Variants in SNAP23 observed in about 807,000 individuals in gnomAD.
SNAP23 encodes the protein synaptosomal-associated protein 23.
A neutral mutation model predicts 29.0 loss-of-function variants in SNAP23; 11 were observed. The observed-to-expected ratio is 0.38, with a 90% CI of 0.24 to 0.63. The LOEUF (loss-of-function observed/expected upper bound fraction) is 0.63. Ranked by LOEUF, SNAP23 falls within the 20% of genes least tolerant of loss-of-function variation. The pLI is 0.58. For synonymous variants in SNAP23, 60 were observed against 82.9 expected (o/e 0.72, Z 1.50); for missense variants, 220 against 253.9 (o/e 0.87, Z 0.91).
intron 2 of SNAP23, 133 bp from the exon 3 acceptor site, chr15:42,512,821 AT>A (rs762800097): frequency 1.5e-6 from 1 of 652,534 alleles, no homozygotes; most frequent in Non-Finnish European, 2.7e-6. Context: ...AAGTGCTGGG[AT>A]TATAGGCATG....
intron 2 of SNAP23, among the ~76,000 whole-genome samples, chr15:42,512,565 G>T (rs985146682): frequency 6.6e-6 from 1 of 151,972 alleles, no homozygotes; most frequent in Non-Finnish European, 1.5e-5. Flanking sequence ...TTTTAGTAGA[G>T]ATGGGGTTTC....
intron 5 of SNAP23, among the ~76,000 whole-genome samples, chr15:42,519,055 C>CTT (rs34865842): frequency 9.2e-5 from 12 of 130,734 alleles, no homozygotes; most frequent in African/African-American, 1.2e-4. Context: ...GTTTCTTCTT[C>CTT]TTTTTTTTTT....
chr15:42,504,815 A>G (rs903822473), intron 1 of SNAP23, among the ~76,000 whole-genome samples: 12 of 152,338 alleles, frequency 7.9e-5, no homozygotes, highest in African/African-American at 2.9e-4. Flanking sequence ...CTCACCCACT[A>G]TGCTATCCTG....
chr15:42,509,497 T>C (rs1286625462), intron 1 of SNAP23, among the ~76,000 whole-genome samples: 1 of 150,886 alleles, frequency 6.6e-6, no homozygotes, highest in Admixed American at 6.6e-5. Flanking sequence ...TGGAGTGCAG[T>C]GGCACAGTCT....
chr15:42,524,176 T>G (rs1217644086), intron 5 of SNAP23, among the ~76,000 whole-genome samples: 1 of 152,140 alleles, frequency 6.6e-6, no homozygotes, highest in East Asian at 1.9e-4. Flanking sequence ...AATTATTTAG[T>G]GCTCCAATAT....
chr15:42,518,610 G>A (rs893037449), intron 5 of SNAP23, among the ~76,000 whole-genome samples: 14 of 151,808 alleles, frequency 9.2e-5, no homozygotes, highest in African/African-American at 2.9e-4. Flanking sequence ...GTAGAGACAA[G>A]GTTTCACCAT....
chr15:42,523,959 G>A lies in SNAP23; in HGVS notation c.267-4303G>A, dbSNP rs531877533. 5.0e-4 allele frequency among the ~76,000 whole-genome samples: 76 copies of A among 152,224 alleles called. No homozygotes were observed. The South Asian group carries it at 5.2e-3, about 10-fold the overall frequency. Reference sequence around the variant, plus strand: ...AGCCTCCCAAGTAGCTGGGATTACAGGCACCTGCCACTGCGCCTGGCTAAT... The same window carrying A: ...AGCCTCCCAAGTAGCTGGGATTACAAGCACCTGCCACTGCGCCTGGCTAAT... On this transcript the variant is annotated intron_variant, in intron 5 of 7. Coordinates refer to ENST00000249647, the MANE Select transcript of SNAP23 (RefSeq NM_003825.4).
intron 1 of SNAP23, among the ~76,000 whole-genome samples, chr15:42,510,949 A>G (rs1480066135): frequency 1.3e-5 from 2 of 152,180 alleles, no homozygotes; most frequent in Non-Finnish European, 1.5e-5. Context: ...AATCTGTAAT[A>G]AGAACCAGAG....
At chr15:42,521,430 A>T (rs2057448576) in intron 5 of SNAP23, 1 of 978,368 alleles carries the variant, frequency 1.0e-6, no homozygotes, top group African/African-American at 1.8e-5. Context: ...TAGTTTTCTT[A>T]TTTTTCTTTT....
Position 42,519,560 on chromosome 15 carries a change from G to A in SNAP23, c.266+4206G>A, listed in dbSNP as rs569908317. On this transcript the variant is annotated intron_variant, in intron 5 of 7. Coordinates refer to ENST00000249647, the MANE Select transcript of SNAP23 (RefSeq NM_003825.4). ...AACTAATGTATTTTTAGTAGAGACG[G>A]GGTTTTGCCATGTTGGCCAGGATGG... Among the ~76,000 whole-genome samples the A allele has an allele frequency of 7.9e-5, 12 of 151,138 alleles. No homozygotes were observed. In the South Asian group the frequency reaches 2.5e-3, roughly 32 times the overall value.
At chr15:42,491,909 G>T (rs529744827), upstream of SNAP23, among the ~76,000 whole-genome samples, 3 of 128,452 alleles carry the variant, frequency 2.3e-5, no homozygotes, top group Admixed American at 1.6e-4. Flanking sequence ...TATTTAGTTA[G>T]TTAGTTAGTT....
At chr15:42,499,368 G>A (rs920232148) in intron 1 of SNAP23, among the ~76,000 whole-genome samples, 1 of 152,064 alleles carries the variant, frequency 6.6e-6, no homozygotes, top group South Asian at 2.1e-4. Context: ...CACCGCGCCC[G>A]GTCTAAGGTC....
At chr15:42,531,237 A>G (rs1160034050) in intron 7 of SNAP23, among the ~76,000 whole-genome samples, 176 bp from the exon 8 acceptor site, 1 of 152,216 alleles carries the variant, frequency 6.6e-6, no homozygotes, top group African/African-American at 2.4e-5. Flanking sequence ...TTTATATACC[A>G]GGGGTTTTCC....
rs989875362 is a variant in SNAP23, at chr15:42,531,633, T to C, written c.*155T>C. 3 of 511,186 alleles carry C rather than the reference T, an allele frequency of 5.9e-6. No homozygotes were observed. Among genetic ancestry groups the C allele is most frequent in the African/African-American group, 3.9e-5 (2 of 50,698 alleles). 31.7% of individuals were successfully genotyped at this position (511,186 alleles called of 1,614,324 possible). ...AGCAGTTACAGCCCTCCTTCTTTTT[T>C]GTTTTCTGTTGAGGGCCGACTGCTG... On this transcript the variant is annotated 3_prime_UTR_variant, in exon 8 of 8. Coordinates refer to ENST00000249647, the MANE Select transcript of SNAP23 (RefSeq NM_003825.4).
Position 42,513,392 on chromosome 15 carries a change from G to T in SNAP23, c.100-7G>T. 1.9e-6 allele frequency: 3 copies of T among 1,613,226 alleles called. No homozygotes were observed. On this transcript the variant is annotated splice_region_variant and splice_polypyrimidine_tract_variant and intron_variant, in intron 3 of 7. Transcript: ENST00000249647. ...TTGTACTATCAGCTTTTCCCCCCTT[G>T]TCTTAGTCTCAGGATGCAGGAATCA...
At chr15:42,491,901 T>TTTAGTTAGTTAGTTAGTTAGTTAG (rs11281244), upstream of SNAP23, among the ~76,000 whole-genome samples, 2 of 146,862 alleles carry the variant, frequency 1.4e-5, no homozygotes, top group African/African-American at 5.1e-5. Context: ...TATTTATTTA[T>TTTAGTTAGTTAGTTAGTTAGTTAG]TTAGTTAGTT....
In SNAP23 at chr15:42,529,806, G is replaced by A. The variant is rs1387903833; in HGVS notation, c.557G>A (p.Arg186Gln). The change falls in exon 7 of 8, where the codon CGA becomes CAA. Residue 186 changes from arginine (R) to glutamine (Q), a missense_variant. Transcript: ENST00000249647. ...GATGCTCAAAATCCACAAATAAAACGAATCACAGACAAGGTAAAAGCTTTT... is the reference window on the plus strand; with the variant it reads ...GATGCTCAAAATCCACAAATAAAACAAATCACAGACAAGGTAAAAGCTTTT... ...EIDAQNPQIK[R>Q]ITDKADTNRD... The A allele has an allele frequency of 5.6e-6, 9 of 1,611,580 alleles. No homozygotes were observed. Among genetic ancestry groups the A allele is most frequent in the East Asian group, 4.5e-5 (2 of 44,868 alleles).
intron 1 of SNAP23, among the ~76,000 whole-genome samples, chr15:42,501,471 C>G (rs984636997): frequency 5.3e-5 from 8 of 152,292 alleles, no homozygotes; most frequent in South Asian, 2.1e-4. Context: ...ATGATCATAG[C>G]TCGCTGCAGC....
chr15:42,491,897 T>G (rs1225526252), upstream of SNAP23, among the ~76,000 whole-genome samples: 4 of 115,238 alleles, frequency 3.5e-5, no homozygotes, highest in South Asian at 2.4e-4. Flanking sequence ...TTATTATTTA[T>G]TTATTTAGTT....
Sources: allele counts gnomAD v4.1 joint callset (sites outside exome capture counted in the v4.1 genomes callset), GRCh38; gene constraint gnomAD v4.1.1; transcripts MANE v1.5; gene names NCBI Gene and HGNC (gene_info 2026-07-23, HGNC 2026-07-21).